The following NBN variants were observed in gnomAD, a reference collection of about 807,000 sequenced individuals.
NBN encodes the protein Nijmegen breakage syndrome 1 (nibrin).
A neutral mutation model predicts 90.8 loss-of-function variants in NBN; 88 were observed. The observed-to-expected ratio is 0.97, with a 90% confidence interval of 0.82 to 1.16. NBN has a LOEUF of 1.16. Among genes scored for constraint, NBN ranks in the 50% most tolerant of loss-of-function variants. The pLI, the probability that NBN is intolerant of heterozygous loss-of-function variation, is 0.00. For synonymous variants in NBN, 328 were observed against 295.1 expected (o/e 1.11, Z -1.14); for missense variants, 894 against 869.6 (o/e 1.03, Z -0.35).
chr8:89,973,854 T>C (rs1215390463), intron 5 of NBN, among the ~76,000 whole-genome samples: 1 of 152,028 alleles, frequency 6.6e-6, no homozygotes, highest in Non-Finnish European at 1.5e-5. Flanking sequence ...ATCTCCAATT[T>C]CTATCATTAA....
chr8:89,939,245 A>G (rs566747786), intron 14 of NBN, among the ~76,000 whole-genome samples: 4 of 111,892 alleles, frequency 3.6e-5, no homozygotes, highest in Admixed American at 3.3e-4. Context: ...GAAAAAGAAT[A>G]GCTGCAGCAA....
chr8:89,943,845 A>C (rs1235086737), intron 13 of NBN, among the ~76,000 whole-genome samples: 2 of 152,158 alleles, frequency 1.3e-5, no homozygotes, highest in African/African-American at 4.8e-5. Flanking sequence ...TCTAATTGAT[A>C]TTTTAATTGT....
chr8:89,954,427 T>C (rs1810600849), intron 10 of NBN, among the ~76,000 whole-genome samples: 1 of 151,558 alleles, frequency 6.6e-6, no homozygotes, highest in Admixed American at 6.6e-5. Context: ...AACCTGGCAA[T>C]AGATGGAAAT....
At chr8:89,970,146 G>A (rs1454976444) in intron 7 of NBN, among the ~76,000 whole-genome samples, 1 of 150,720 alleles carries the variant, frequency 6.6e-6, no homozygotes, top group Non-Finnish European at 1.5e-5. Flanking sequence ...CTACTCAGGA[G>A]ACTAAGGCAG....
intron 7 of NBN, among the ~76,000 whole-genome samples, chr8:89,966,296 T>G (rs918312972): frequency 6.6e-6 from 1 of 152,160 alleles, no homozygotes; most frequent in African/African-American, 2.4e-5. Flanking sequence ...TAGATGATAA[T>G]GATTTATAGA....
chr8:89,943,979 C>T (rs1586036621), intron 13 of NBN, among the ~76,000 whole-genome samples: 1 of 152,188 alleles, frequency 6.6e-6, no homozygotes, highest in East Asian at 1.9e-4. Flanking sequence ...ATATTTGTAA[C>T]ATGCTTTTAA....
intron 8 of NBN, among the ~76,000 whole-genome samples, chr8:89,963,326 G>A (rs1158499112): frequency 6.6e-6 from 1 of 152,190 alleles, no homozygotes; most frequent in Non-Finnish European, 1.5e-5. Context: ...GCTCCCCGGA[G>A]TGTGCAATCT....
intron 1 of NBN, among the ~76,000 whole-genome samples, chr8:89,983,262 T>C (rs983710943): frequency 6.6e-6 from 1 of 152,092 alleles, no homozygotes; most frequent in Non-Finnish European, 1.5e-5. Flanking sequence ...GTTTGGAACT[T>C]GATAAACAAA....
intron 5 of NBN, among the ~76,000 whole-genome samples, chr8:89,971,609 T>C (rs1412828483): frequency 6.6e-6 from 1 of 152,166 alleles, no homozygotes; most frequent in East Asian, 1.9e-4. Context: ...TTACAAAAGT[T>C]TGAGAGAAAC....
chr8:89,983,379 C>T (rs1277309080), intron 1 of NBN, among the ~76,000 whole-genome samples: 2 of 151,824 alleles, frequency 1.3e-5, no homozygotes, highest in Non-Finnish European at 2.9e-5. Context: ...TTGCAGTGAG[C>T]CGACACAGTG....
chr8:89,940,347 C>T (rs1328466539), intron 14 of NBN, among the ~76,000 whole-genome samples: 2 of 152,042 alleles, frequency 1.3e-5, no homozygotes, highest in African/African-American at 4.8e-5. Flanking sequence ...CTACTCTTAA[C>T]TCCCGGGTTC....
intron 11 of NBN, among the ~76,000 whole-genome samples, chr8:89,948,603 A>AT (rs1238137278): frequency 6.6e-6 from 1 of 152,232 alleles, no homozygotes; most frequent in African/African-American, 2.4e-5. Context: ...AGTGGGGCAC[A>AT]TAACATTTTA....
At chr8:89,943,116 G>C in intron 14 of NBN, 137 bp downstream of exon 14, 2 of 807,596 alleles carry the variant, frequency 2.5e-6, no homozygotes, top group Non-Finnish European at 2.1e-6. Flanking sequence ...TTAATGCTCT[G>C]TAACTCAGGA....
intron 5 of NBN, among the ~76,000 whole-genome samples, chr8:89,973,427 A>C (rs181729891): frequency 2.2e-4 from 33 of 152,318 alleles, no homozygotes; most frequent in Non-Finnish European, 4.1e-4. Flanking sequence ...TCAATCTTGA[A>C]CAAAAAAATA....
chr8:89,978,453 A>C (rs1419428082), intron 4 of NBN, 130 bp from the exon 5 acceptor site: 2 of 707,156 alleles, frequency 2.8e-6, no homozygotes. Flanking sequence ...TCATCTCTCT[A>C]AATTTATAAA....
chr8:89,962,615 T>G (rs1482032460), intron 8 of NBN, among the ~76,000 whole-genome samples: 1 of 152,160 alleles, frequency 6.6e-6, no homozygotes, highest in Non-Finnish European at 1.5e-5. Context: ...TTCTGGGAAT[T>G]TGGTGAAAAT....
intron 10 of NBN, among the ~76,000 whole-genome samples, chr8:89,954,981 T>C (rs888746843): frequency 3.3e-5 from 5 of 152,036 alleles, no homozygotes; most frequent in African/African-American, 9.7e-5. Context: ...GTGAGAGCGG[T>C]TCTCAAGGAA....
intron 14 of NBN, 80 bp downstream of exon 14, chr8:89,943,173 T>TAAG: frequency 6.8e-7 from 1 of 1,460,070 alleles, no homozygotes; most frequent in Non-Finnish European, 9.6e-7. Context: ...AATTTGGTTT[T>TAAG]AAGAAGAATT....
intron 10 of NBN, among the ~76,000 whole-genome samples, 199 bp downstream of exon 10, chr8:89,955,084 T>C (rs914642620): frequency 9.9e-5 from 15 of 151,968 alleles, no homozygotes; most frequent in African/African-American, 3.4e-4. Flanking sequence ...AGTACATACA[T>C]AGAAGGAGAT....
Sources: gnomAD v4.1 joint callset for allele counts (sites outside exome capture counted in the v4.1 genomes callset) on GRCh38, gnomAD v4.1.1 for gene constraint, MANE v1.5 for transcripts, NCBI Gene and HGNC (gene_info 2026-07-23, HGNC 2026-07-21) for gene names.